Variants in MKRN2OS observed in about 807,000 individuals in gnomAD.
The protein encoded by MKRN2OS is MKRN2 opposite strand protein.
In MKRN2OS, 17 loss-of-function variants were observed where a neutral mutation model predicts 18.2. The ratio of observed to expected loss-of-function variants is 0.93; its 90% CI spans 0.64 to 1.40. The LOEUF (loss-of-function observed/expected upper bound fraction) is 1.40, where lower values mean the gene tolerates loss of function less well. Ranked by LOEUF, MKRN2OS falls within the 40% of genes most tolerant of loss-of-function variation. The pLI is 0.00. For missense variants in MKRN2OS, 337 were observed against 283.0 expected, an observed-to-expected ratio of 1.19 and a Z score of -1.37; for synonymous variants, 121 against 108.5, an observed-to-expected ratio of 1.12 and a Z score of -0.72.
At chr3:12,546,857 C>T (rs924616954), upstream of MKRN2OS, among the ~76,000 whole-genome samples, 16 of 152,138 alleles carry the variant, frequency 1.1e-4, no homozygotes, top group Admixed American at 9.2e-4. Context: ...GGATTACAGG[C>T]GTGAGCCACC....
Position 12,541,841 on chromosome 3 carries a change from A to G in MKRN2OS, c.431+19T>C, listed in dbSNP as rs1373002963. 9.1e-6 allele frequency: 14 copies of G among 1,532,132 alleles called. No homozygotes were observed. The highest frequency in any genetic ancestry group is 1.2e-5 in the Non-Finnish European group (14 of 1,145,142). 94.9% of individuals were successfully genotyped at this position (1,532,132 alleles called of 1,614,324 possible). ...AGCATGTGAGTGTCAGCGAGGGGGC[A>G]GCATTTGCAGTCGTGTACCTGTGAG... On this transcript the variant is annotated intron_variant, in intron 3 of 3. Transcript: ENST00000564146.
intron 1 of MKRN2OS, chr3:12,557,231 C>A: frequency 6.6e-7 from 1 of 1,517,272 alleles, no homozygotes; most frequent in Non-Finnish European, 8.8e-7. Flanking sequence ...GCAGGGGGGC[C>A]GGTGCGCGCC....
At position 12,543,178 on chromosome 3, in the gene MKRN2OS, A is replaced by G. The variant is rs780189087; in HGVS notation, c.268+2T>C. On this transcript the variant is annotated splice_donor_variant, in intron 2 of 3. Transcript: ENST00000564146. LOFTEE classifies it high-confidence loss of function. ...TTTTTTAAGCTACAAAACTGCACTT[A>G]CCATTTGTGTTAGTTATTCCAACAT... The G allele has an allele frequency of 5.2e-6, 8 of 1,535,348 alleles. No individual in the cohort carries two copies. The highest frequency in any genetic ancestry group is 7.0e-6 in the Non-Finnish European group (8 of 1,146,432).
At chr3:12,540,525 C>T in intron 3 of MKRN2OS, 92 bp from the exon 4 acceptor site, 1 of 1,467,076 alleles carries the variant, frequency 6.8e-7, no homozygotes, top group Non-Finnish European at 9.2e-7. Context: ...AAATCGGGTG[C>T]CTCAGCAAGC....
At chr3:12,542,112 G>A (rs2057823331) in intron 2 of MKRN2OS, 90 bp from the exon 3 acceptor site, 2 of 1,239,598 alleles carry the variant, frequency 1.6e-6, no homozygotes, top group East Asian at 5.2e-5. Flanking sequence ...TAGCCATGTG[G>A]TAACTTTACG....
At chr3:12,550,119 G>A (rs150673305), upstream of MKRN2OS, among the ~76,000 whole-genome samples, 516 of 152,170 alleles carry the variant, frequency 3.4e-3, 2 homozygotes, top group African/African-American at 0.012. Context: ...GAAAACCTAC[G>A]TCCACACAAA....
downstream of MKRN2OS, among the ~76,000 whole-genome samples, chr3:12,550,550 A>G (rs1366030897): frequency 6.6e-6 from 1 of 152,192 alleles, no homozygotes; most frequent in Non-Finnish European, 1.5e-5. Flanking sequence ...CCATCTCTAC[A>G]AAAAAATTTT....
At chr3:12,543,114 C>T in intron 2 of MKRN2OS, 66 bp downstream of exon 2, 2 of 1,333,916 alleles carry the variant, frequency 1.5e-6, no homozygotes, top group African/African-American at 1.5e-5. Context: ...ATAATCAAAT[C>T]TCCACAAATA....
upstream of MKRN2OS, among the ~76,000 whole-genome samples, chr3:12,548,059 C>A (rs190891387): frequency 6.6e-6 from 1 of 152,304 alleles, no homozygotes; most frequent in African/African-American, 2.4e-5. Context: ...CCTGAAATCC[C>A]AGCACTTTGG....
At chr3:12,548,464 A>T (rs1306082503), upstream of MKRN2OS, among the ~76,000 whole-genome samples, 2 of 104,888 alleles carry the variant, frequency 1.9e-5, no homozygotes, top group Non-Finnish European at 3.8e-5. Context: ...AAAAAAAAAA[A>T]AAAAAAAAAA....
chr3:12,550,620 T>C (rs1021456872), downstream of MKRN2OS, among the ~76,000 whole-genome samples: 1 of 152,158 alleles, frequency 6.6e-6, no homozygotes, highest in Non-Finnish European at 1.5e-5. Flanking sequence ...CCAAGTATAT[T>C]TTACTTTCTT....
downstream of MKRN2OS, among the ~76,000 whole-genome samples, chr3:12,551,370 C>T (rs548193386): frequency 1.1e-4 from 16 of 151,914 alleles, no homozygotes; most frequent in Middle Eastern, 3.4e-3. Context: ...TGGTACGCAC[C>T]TGTGGTTCCA....
At chr3:12,543,512 G>A (rs1306839463) in intron 1 of MKRN2OS, among the ~76,000 whole-genome samples, 6 of 152,140 alleles carry the variant, frequency 3.9e-5, no homozygotes, top group Non-Finnish European at 7.4e-5. Context: ...GCTTGAACCC[G>A]GGAGGTGGAG....
At chr3:12,544,000 C>T (rs566417686) in intron 1 of MKRN2OS, among the ~76,000 whole-genome samples, 2 of 152,206 alleles carry the variant, frequency 1.3e-5, no homozygotes, top group African/African-American at 4.8e-5. Flanking sequence ...GGCTTTATGA[C>T]GCCAGAGCCT....
In MKRN2OS at chr3:12,540,218, G is replaced by T. The variant is rs991269694; in HGVS notation, c.647C>A (p.Pro216His). The part of the protein sequence containing the change: ...VTDCPQQQAQ[P>H]PEGGGLC ...TCAGCACAAACCGCCGCCCTCAGGGGGTTGTGCCTGCTGCTGGGGACAGTC... is the reference window on the plus strand; with the variant it reads ...TCAGCACAAACCGCCGCCCTCAGGGTGTTGTGCCTGCTGCTGGGGACAGTC... Residue 216 changes from proline (P) to histidine (H), a missense_variant, in exon 4 of 4, where the codon CCC becomes CAC. Coordinates refer to ENST00000564146, the MANE Select transcript of MKRN2OS (RefSeq NM_001195279.2). 5 of 1,536,002 alleles carry T rather than the reference G, an allele frequency of 3.3e-6. No homozygotes were observed. Among genetic ancestry groups the T allele is most frequent in the Non-Finnish European group, 3.5e-6 (4 of 1,146,926 alleles).
At position 12,541,955 on chromosome 3, in the gene MKRN2OS, G is replaced by A; in HGVS notation, c.336C>T (p.Ser112=). The A allele has an allele frequency of 6.5e-7, 1 of 1,536,046 alleles. No homozygotes were observed. The highest frequency in any genetic ancestry group is 1.2e-5 in the South Asian group (1 of 84,056). Residue 112 remains serine, a synonymous_variant, in exon 3 of 4, where the codon AGC becomes AGT. Coordinates refer to ENST00000564146, the MANE Select transcript of MKRN2OS (RefSeq NM_001195279.2). ...RDGEGWEESI[S]IPLLQPNMYG... ...ACATGTTGGGCTGCAGTAATGGGATGCTTATGCTCTCTTCCCACCCTTCTC... is the reference window on the plus strand; with the variant it reads ...ACATGTTGGGCTGCAGTAATGGGATACTTATGCTCTCTTCCCACCCTTCTC...
At chr3:12,552,786 G>A (rs191417767), downstream of MKRN2OS, among the ~76,000 whole-genome samples, 23 of 151,890 alleles carry the variant, frequency 1.5e-4, no homozygotes, top group Admixed American at 1.4e-3. Context: ...ACTTTGGGAG[G>A]CCAAGGTGAG....
rs1289000650 is a variant in MKRN2OS, at chr3:12,540,243, C to T, written c.622G>A (p.Asp208Asn). 6.5e-6 allele frequency: 10 copies of T among 1,536,128 alleles called. No individual in the cohort carries two copies. Among genetic ancestry groups the T allele is most frequent in the East Asian group, 4.9e-5 (2 of 40,924 alleles). ...AIREHGFYVT[D>N]CPQQQAQPPE... is the part of the protein sequence containing the mutation. Reference sequence around the variant, plus strand: ...GGTTGTGCCTGCTGCTGGGGACAGTCAGTGACGTAGAAGCCATGCTCCCGT... The same window carrying T: ...GGTTGTGCCTGCTGCTGGGGACAGTTAGTGACGTAGAAGCCATGCTCCCGT... The change falls in exon 4 of 4, where the codon GAC becomes AAC. Residue 208 changes from aspartate to asparagine, a missense_variant. Transcript: ENST00000564146.
At chr3:12,552,978 G>A (rs371621238), downstream of MKRN2OS, among the ~76,000 whole-genome samples, 5 of 144,308 alleles carry the variant, frequency 3.5e-5, no homozygotes, top group Admixed American at 1.4e-4. Context: ...ATCACACCAC[G>A]GCACTCCAGC....
Sources: gnomAD v4.1 joint callset for allele counts (sites outside exome capture counted in the v4.1 genomes callset) on GRCh38, gnomAD v4.1.1 for gene constraint, MANE v1.5 for transcripts, NCBI Gene and HGNC (gene_info 2026-07-23, HGNC 2026-07-21) for gene names.